The following PARD3B variants were observed in gnomAD, a reference collection of about 807,000 sequenced individuals.
The protein encoded by PARD3B is par-3 family cell polarity regulator beta.
In PARD3B, 103 loss-of-function variants were observed where a neutral mutation model predicts 130.2. The observed-to-expected ratio is 0.79, with a 90% CI of 0.67 to 0.93. The LOEUF is 0.93. PARD3B is among the 40% of genes least tolerant of loss of function. PARD3B has a pLI of 0.00. For synonymous variants in PARD3B, 583 were observed against 553.2 expected (o/e 1.05, Z -0.76); for missense variants, 1,609 against 1,499.2 (o/e 1.07, Z -1.21).
chr2:204,647,130 A>G (rs10199977), intron 1 of PARD3B, among the ~76,000 whole-genome samples: 1,747 of 151,990 alleles, frequency 0.011, 32 homozygotes, highest in African/African-American at 0.04. Flanking sequence ...TGTATTAGTT[A>G]CTGCTTTTGC....
intron 2 of PARD3B, among the ~76,000 whole-genome samples, chr2:204,778,145 T>C (rs1490009592): frequency 8.8e-6 from 1 of 113,010 alleles, no homozygotes; most frequent in Admixed American, 8.6e-5. Context: ...ACACCCTCTA[T>C]CAAAAAAAAA....
chr2:204,650,357 A>G lies in PARD3B; in HGVS notation c.121-35824A>G, dbSNP rs140683021. Among the ~76,000 whole-genome samples, 1,479 of 152,272 alleles carry G rather than the reference A, an allele frequency of 9.7e-3. 20 individuals carry two copies. Among genetic ancestry groups the G allele is most frequent in the African/African-American group, 0.033 (1,383 of 41,540 alleles). Reference sequence around the variant, plus strand: ...AGTGTGGCAATTCCTCAAAGAGTTAAAAACAGAATGACCATTCAACCCAGC... The same window carrying G: ...AGTGTGGCAATTCCTCAAAGAGTTAGAAACAGAATGACCATTCAACCCAGC... On this transcript the variant is annotated intron_variant, in intron 1 of 22. Coordinates refer to ENST00000406610, the MANE Select transcript of PARD3B (RefSeq NM_001302769.2).
intron 19 of PARD3B, among the ~76,000 whole-genome samples, chr2:205,435,248 C>A (rs1049044379): frequency 6.6e-6 from 1 of 151,766 alleles, no homozygotes; most frequent in African/African-American, 2.4e-5. Flanking sequence ...ATGTGTAGTA[C>A]CCTCACCCTT....
At chr2:205,609,124 G>GTA (rs1559267106) in intron 22 of PARD3B, among the ~76,000 whole-genome samples, 1 of 152,156 alleles carries the variant, frequency 6.6e-6, no homozygotes, top group Non-Finnish European at 1.5e-5. Context: ...TCAAAGCTAT[G>GTA]TAATATACGT....
rs1207750261 is a variant in PARD3B, at chr2:205,187,812, GC to G, written c.2024+1951del. Among the ~76,000 whole-genome samples, 1 of 152,058 alleles carries G rather than the reference GC, an allele frequency of 6.6e-6. No individual in the cohort carries two copies. The highest frequency in any genetic ancestry group is 2.4e-5 in the African/African-American group (1 of 41,410). Reference sequence around the variant, plus strand: ...TCCTTCCTAGTCCCGTGTGTTTTAGGCCTCTGTTCTCACTTCTTTATTAGAA... The same window carrying G: ...TCCTTCCTAGTCCCGTGTGTTTTAGGCTCTGTTCTCACTTCTTTATTAGAA... On this transcript the variant is annotated intron_variant, in intron 14 of 22. Coordinates refer to ENST00000406610, the MANE Select transcript of PARD3B (RefSeq NM_001302769.2). The surrounding 1 kb of genome is among the most constrained non-coding windows in gnomAD (Gnocchi z 4.9).
At chr2:205,100,808 C>T (rs756450395) in intron 4 of PARD3B, among the ~76,000 whole-genome samples, 2 of 152,004 alleles carry the variant, frequency 1.3e-5, no homozygotes, top group African/African-American at 2.4e-5. Flanking sequence ...TGAATTTGAA[C>T]TCCTTCCTCA....
chr2:205,444,894 C>T (rs1345325155), intron 20 of PARD3B, among the ~76,000 whole-genome samples: 1 of 152,102 alleles, frequency 6.6e-6, no homozygotes, highest in Non-Finnish European at 1.5e-5. Flanking sequence ...TTAGATTTGG[C>T]CACTAAAAGG....
chr2:204,950,860 C>G (rs1365409983), intron 2 of PARD3B, among the ~76,000 whole-genome samples: 1 of 151,844 alleles, frequency 6.6e-6, no homozygotes, highest in African/African-American at 2.4e-5. Context: ...AAACCACAAT[C>G]TGGAATCCAA....
chr2:205,150,987 A>AT (rs918957325), intron 10 of PARD3B, among the ~76,000 whole-genome samples: 6 of 152,212 alleles, frequency 3.9e-5, no homozygotes, highest in Non-Finnish European at 1.5e-5. Flanking sequence ...GGAGAGTAGA[A>AT]TTTAAGTGTT....
chr2:204,886,806 A>G (rs959960328), intron 2 of PARD3B, among the ~76,000 whole-genome samples: 5 of 152,212 alleles, frequency 3.3e-5, no homozygotes, highest in Admixed American at 6.5e-5. Flanking sequence ...ACTTAGAACC[A>G]ATCTGGAGAT....
intron 2 of PARD3B, among the ~76,000 whole-genome samples, chr2:204,831,194 A>G (rs1203683198): frequency 6.6e-6 from 1 of 152,166 alleles, no homozygotes; most frequent in African/African-American, 2.4e-5. Flanking sequence ...CTATGAATAG[A>G]AAAATTAGGA....
chr2:204,756,294 T>G (rs1343680441), intron 2 of PARD3B, among the ~76,000 whole-genome samples: 2 of 152,140 alleles, frequency 1.3e-5, no homozygotes, highest in African/African-American at 4.8e-5. Context: ...CTTTATGATA[T>G]TTAGTGTCTT....
At chr2:204,709,095 T>C (rs942649944) in intron 2 of PARD3B, among the ~76,000 whole-genome samples, 11 of 152,200 alleles carry the variant, frequency 7.2e-5, no homozygotes, top group African/African-American at 2.4e-4. Flanking sequence ...GAATAATGCT[T>C]GTTGCATTCC....
intron 2 of PARD3B, among the ~76,000 whole-genome samples, chr2:204,899,703 T>G (rs1483130347): frequency 1.3e-5 from 2 of 152,194 alleles, no homozygotes; most frequent in Non-Finnish European, 2.9e-5. Context: ...GTATTACCAG[T>G]GCATTTTATA....
At chr2:205,226,990 T>G (rs150707306) in intron 15 of PARD3B, among the ~76,000 whole-genome samples, 5 of 152,302 alleles carry the variant, frequency 3.3e-5, no homozygotes, top group Non-Finnish European at 7.4e-5. Flanking sequence ...TTTTCAAAAT[T>G]TATGTCTTTA....
In PARD3B at chr2:205,572,561, A is replaced by T. The variant is rs1252892094; in HGVS notation, c.3260+19158A>T. ...GGAGTTTGAGACCACCCCAAACAAC[A>T]TGGTGAAACCTCATCTCTACTAAAA... is the stretch of plus-strand genomic sequence containing the variant. On this transcript the variant is annotated intron_variant, in intron 22 of 22. Coordinates refer to ENST00000406610, the MANE Select transcript of PARD3B (RefSeq NM_001302769.2). This position sits in a 1 kb window ranked among gnomAD's most constrained non-coding sequence, Gnocchi z 4.2. Among the ~76,000 whole-genome samples, 1 of 152,198 alleles carries T rather than the reference A, an allele frequency of 6.6e-6. No individual in the cohort carries two copies. Among genetic ancestry groups the T allele is most frequent in the African/African-American group, 2.4e-5 (1 of 41,454 alleles).
Position 204,861,345 on chromosome 2 carries a change from A to G in PARD3B, c.223-103807A>G, listed in dbSNP as rs55757084. Among the ~76,000 whole-genome samples, 61 of 152,308 alleles carry G rather than the reference A, an allele frequency of 4.0e-4. No homozygotes were observed. In the Middle Eastern group the frequency reaches 0.01, roughly 26 times the overall value. On this transcript the variant is annotated intron_variant, in intron 2 of 22. Transcript: ENST00000406610. ...GTTTTTCTAAAATAATTAATTTAAC[A>G]TATCAAGAATGGTATTAAGAAAAAT...
intron 2 of PARD3B, among the ~76,000 whole-genome samples, chr2:204,941,234 C>T (rs1303541844): frequency 4.6e-5 from 7 of 152,092 alleles, no homozygotes; most frequent in South Asian, 2.1e-4. Context: ...ATTAGCAGGG[C>T]GTGGTGGCAC....
rs849254 is a variant in PARD3B, at chr2:205,345,898, T to C, written c.2630+44197T>C. On this transcript the variant is annotated intron_variant, in intron 18 of 22. Transcript: ENST00000406610. ...TAAAAAAAGAAGATGCAGCTGGGTG[T>C]GGTGGCTCACGCCTGTAATCCCAGC... Among the ~76,000 whole-genome samples, 146 of 63,430 alleles carry C rather than the reference T, an allele frequency of 2.3e-3. 59 individuals carry two copies. The South Asian group carries it at 0.094, about 41-fold the overall frequency. The allele number at this position is 63,430 out of a possible 152,430, so 41.6% of individuals were successfully genotyped here.
Sources: gnomAD v4.1 joint callset for allele counts (sites outside exome capture counted in the v4.1 genomes callset) on GRCh38, gnomAD v4.1.1 for gene constraint, Gnocchi (gnomAD v3.1) non-coding constraint, MANE v1.5 for transcripts, NCBI Gene and HGNC (gene_info 2026-07-23, HGNC 2026-07-21) for gene names.